AOPEP: variants seen among roughly 807,000 people sequenced by gnomAD.
The protein encoded by AOPEP is aminopeptidase O.
AOPEP carries 77 observed loss-of-function variants against 98.1 expected under a neutral mutation model. That is an observed-to-expected ratio of 0.78 (90% CI 0.65 to 0.95). The LOEUF (loss-of-function observed/expected upper bound fraction) is 0.95. Ranked by LOEUF, AOPEP falls within the 40% of genes least tolerant of loss-of-function variation. The pLI, the probability that AOPEP is intolerant of heterozygous loss-of-function variation, is 0.00. For synonymous variants in AOPEP, 346 were observed against 365.3 expected (o/e 0.95, Z 0.60); for missense variants, 1,024 against 1,024.7 (o/e 1.00, Z 0.01).
At chr9:94,858,685 G>C (rs1199370136) in intron 5 of AOPEP, among the ~76,000 whole-genome samples, 3 of 152,088 alleles carry the variant, frequency 2.0e-5, no homozygotes, top group Non-Finnish European at 2.9e-5. Flanking sequence ...TTAGGAGGTG[G>C]GGCCTTTGGG....
intron 13 of AOPEP, among the ~76,000 whole-genome samples, chr9:95,040,313 ATT>A (rs1278121567): frequency 3.3e-5 from 5 of 152,220 alleles, no homozygotes; most frequent in African/African-American, 1.2e-4. Flanking sequence ...TATTACTCAC[ATT>A]TAGAATTATA....
intron 4 of AOPEP, among the ~76,000 whole-genome samples, chr9:94,794,693 G>C (rs2133543156): frequency 6.6e-6 from 1 of 152,234 alleles, no homozygotes; most frequent in South Asian, 2.1e-4. Context: ...GTATTCTTGA[G>C]GGAAGAAGGG....
At chr9:95,110,242 A>AATTT in the AOPEP span, 12 of 1,005,304 alleles carry the variant, frequency 1.2e-5, no homozygotes, top group African/African-American at 2.1e-4. Flanking sequence ...GTTATTGAAT[A>AATTT]ATTTATTTCT....
chr9:95,040,730 G>C (rs2065214627), intron 13 of AOPEP, among the ~76,000 whole-genome samples: 1 of 152,232 alleles, frequency 6.6e-6, no homozygotes, highest in African/African-American at 2.4e-5. Context: ...ACACATGACA[G>C]AGCGACACCC....
chr9:95,043,344 C>T (rs1004919597), intron 13 of AOPEP, among the ~76,000 whole-genome samples: 73 of 151,146 alleles, frequency 4.8e-4, no homozygotes, highest in Admixed American at 4.7e-3. Context: ...AAGTCATTTG[C>T]ATTTCGCTTA....
chr9:94,846,939 A>G (rs999337841), intron 5 of AOPEP, among the ~76,000 whole-genome samples: 1 of 150,104 alleles, frequency 6.7e-6, no homozygotes, highest in African/African-American at 2.4e-5. Context: ...AATGAAGCTG[A>G]TGAGAATGGA....
chr9:94,848,854 G>A (rs1254098017), intron 5 of AOPEP, among the ~76,000 whole-genome samples: 3 of 152,156 alleles, frequency 2.0e-5, no homozygotes, highest in Non-Finnish European at 4.4e-5. Context: ...CAATGGCACT[G>A]CAGCCTCCAC....
At chr9:95,135,149 C>T in the AOPEP span, among the ~76,000 whole-genome samples, 1 of 152,188 alleles carries the variant, frequency 6.6e-6, no homozygotes, top group Non-Finnish European at 1.5e-5. Context: ...AACCTCAGAT[C>T]TCTCCCTGCA....
At chr9:94,977,891 A>G (rs984830188) in intron 10 of AOPEP, among the ~76,000 whole-genome samples, 3 of 151,902 alleles carry the variant, frequency 2.0e-5, no homozygotes, top group Admixed American at 2.0e-4. Flanking sequence ...CTTTTTCTGC[A>G]TAAGCCCTCT....
chr9:94,997,339 C>T (rs2061305986), intron 11 of AOPEP, among the ~76,000 whole-genome samples: 1 of 152,278 alleles, frequency 6.6e-6, no homozygotes, highest in South Asian at 2.1e-4. Context: ...CTGCCATCTG[C>T]CAAATTGGAC....
chr9:95,127,752 T>C, the AOPEP span, among the ~76,000 whole-genome samples: 2 of 152,228 alleles, frequency 1.3e-5, no homozygotes, highest in Non-Finnish European at 2.9e-5. Flanking sequence ...GGCCGTGCCC[T>C]GGATCACACT....
intron 5 of AOPEP, among the ~76,000 whole-genome samples, chr9:94,875,857 A>AT (rs1295329649): frequency 1.3e-5 from 2 of 152,220 alleles, no homozygotes; most frequent in African/African-American, 4.8e-5. Flanking sequence ...ACAGATGACA[A>AT]TGTGAAACTA....
rs986735297 is a variant in AOPEP, at chr9:95,082,863, C to G, written c.*4+144C>G. ...CCCTGGCCCAGGGCCTGGAGAGTAA[C>G]TGGCCAAGTGGGTGCTGGGCTGGTA... On this transcript the variant is annotated intron_variant, in intron 16 of 16. Transcript: ENST00000375315. 27 of 925,370 alleles carry G rather than the reference C, an allele frequency of 2.9e-5. No individual in the cohort carries two copies. The African/African-American group carries it at 4.3e-4, about 15-fold the overall frequency. The allele number at this position is 925,370 out of a possible 1,614,324, so 57.3% of individuals were successfully genotyped here. A position where few individuals can be genotyped will look rare whatever the true frequency, so the allele number is the denominator to read the frequency against.
chr9:95,041,507 C>A (rs942236706), intron 13 of AOPEP, among the ~76,000 whole-genome samples: 3 of 144,536 alleles, frequency 2.1e-5, no homozygotes, highest in African/African-American at 7.7e-5. Flanking sequence ...TAAAAAAGTA[C>A]AATAAGCCAG....
chr9:94,750,002 T>A (rs1339860061), intron 1 of AOPEP, among the ~76,000 whole-genome samples: 1 of 152,252 alleles, frequency 6.6e-6, no homozygotes, highest in East Asian at 1.9e-4. Context: ...ATTGATGCTT[T>A]GTATTAACAG....
chr9:95,004,348 C>G (rs2132660135), intron 11 of AOPEP: 3 of 453,722 alleles, frequency 6.6e-6, no homozygotes, highest in South Asian at 4.7e-5. Flanking sequence ...TAAATTCTAC[C>G]CAGTGGTTCT....
At chr9:94,894,992 T>C (rs1024395743) in intron 5 of AOPEP, among the ~76,000 whole-genome samples, 1 of 152,150 alleles carries the variant, frequency 6.6e-6, no homozygotes, top group Non-Finnish European at 1.5e-5. Flanking sequence ...AATAAATACT[T>C]CTAGAGAAAA....
chr9:95,125,858 C>T, the AOPEP span, among the ~76,000 whole-genome samples: 1 of 152,164 alleles, frequency 6.6e-6, no homozygotes, highest in Admixed American at 6.5e-5. Flanking sequence ...GGGGCTGGGA[C>T]ACTCCCAGGT....
chr9:95,107,698 G>A, the AOPEP span, among the ~76,000 whole-genome samples: 1 of 152,118 alleles, frequency 6.6e-6, no homozygotes, highest in African/African-American at 2.4e-5. Context: ...GCTTGCCTTT[G>A]CTTCTTGCTA....
Sources: gnomAD v4.1 joint callset for allele counts (sites outside exome capture counted in the v4.1 genomes callset) on GRCh38, gnomAD v4.1.1 for gene constraint, MANE v1.5 for transcripts, NCBI Gene and HGNC (gene_info 2026-07-23, HGNC 2026-07-21) for gene names.